KIF24: variants seen among roughly 807,000 people sequenced by gnomAD.
KIF24 encodes the protein kinesin family member 24, also known as kinesin-like protein KIF24.
In KIF24, 81 loss-of-function variants were observed where a neutral mutation model predicts 118.9. The ratio of observed to expected loss-of-function variants is 0.68; its 90% CI spans 0.57 to 0.82. The LOEUF is 0.82. Ranked by LOEUF, KIF24 falls within the 40% of genes least tolerant of loss-of-function variation. The pLI is 0.00. For synonymous variants in KIF24, 599 were observed against 610.0 expected (o/e 0.98, Z 0.27); for missense variants, 1,560 against 1,661.6 (o/e 0.94, Z 1.06).
chr9:34,297,760 TA>T lies in KIF24; in HGVS notation c.814-647del, dbSNP rs11381710. ...CTGAGTGACAGAGCGAGATTCCATT[TA>T]AAAAAAAAAAAAAAGAATTTTGGAG... On this transcript the variant is annotated intron_variant, in intron 3 of 12. Coordinates refer to ENST00000402558, the MANE Select transcript of KIF24 (RefSeq NM_194313.4). Among the ~76,000 whole-genome samples the T allele has an allele frequency of 2.6e-3, 372 of 142,230 alleles. 1 individual carries two copies. Among genetic ancestry groups the T allele is most frequent in the Middle Eastern group, 3.7e-3 (1 of 268 alleles). The allele number at this position is 142,230 out of a possible 152,430, so 93.3% of individuals were successfully genotyped here. A position where few individuals can be genotyped will look rare whatever the true frequency, so the allele number is the denominator to read the frequency against.
At chr9:34,309,518 G>C (rs1243404797) in intron 2 of KIF24, among the ~76,000 whole-genome samples, 3 of 147,078 alleles carry the variant, frequency 2.0e-5, no homozygotes, top group African/African-American at 5.0e-5. Flanking sequence ...TCCAGCCTGG[G>C]CGACAGTGCG....
rs1834682037 is a variant in KIF24, at chr9:34,253,338, C to T, written c.*1042G>A. The T allele has an allele frequency of 6.6e-6, 1 of 152,228 alleles. No homozygotes were observed. The highest frequency in any genetic ancestry group is 1.5e-5 in the Non-Finnish European group (1 of 68,062). The allele number at this position is 152,228 out of a possible 1,614,324, so 9.4% of individuals were successfully genotyped here. A position where few individuals can be genotyped will look rare whatever the true frequency, so the allele number is the denominator to read the frequency against. The stretch of plus-strand genomic sequence containing the variant: ...CAGAGTGGCTTTAAAGTAATTGGCA[C>T]CTGGAGGCTACTTTGTCTTCCCTGT... On this transcript the variant is annotated 3_prime_UTR_variant, in exon 13 of 13. Coordinates refer to ENST00000402558, the MANE Select transcript of KIF24 (RefSeq NM_194313.4).
At chr9:34,286,781 C>T in intron 5 of KIF24, 77 bp from the exon 6 acceptor site, 1 of 958,714 alleles carries the variant, frequency 1.0e-6, no homozygotes, top group Non-Finnish European at 1.7e-6. Context: ...GAAACCATTC[C>T]ACCATTCCTC....
upstream of KIF24, chr9:34,329,574 C>A (rs1444326465): frequency 6.6e-6 from 1 of 152,308 alleles, no homozygotes; most frequent in Non-Finnish European, 1.5e-5. Context: ...CGTCCAAGGT[C>A]CGCCTCCTAC....
intron 1 of KIF24, among the ~76,000 whole-genome samples, chr9:34,320,975 G>A (rs1222951190): frequency 6.6e-6 from 1 of 152,028 alleles, no homozygotes; most frequent in African/African-American, 2.4e-5. Context: ...TTGTAGTTAC[G>A]TATTTTATTG....
chr9:34,297,552 G>A (rs1836532648), intron 3 of KIF24, among the ~76,000 whole-genome samples: 1 of 152,138 alleles, frequency 6.6e-6, no homozygotes, highest in Non-Finnish European at 1.5e-5. Flanking sequence ...CACAAGGTCA[G>A]GAGATCGAGA....
intron 1 of KIF24, among the ~76,000 whole-genome samples, chr9:34,327,838 TAA>T (rs371382729): frequency 2.9e-4 from 36 of 122,956 alleles, no homozygotes; most frequent in Admixed American, 2.2e-3. Context: ...TTTTCTCTAA[TAA>T]AAAAAAAATA....
chr9:34,254,094 GGTTAGTTAATCA>G lies in KIF24; in HGVS notation c.*274_*285del. ...CCCAAATATATTCCCACAGGCAAGG[GGTTAGTTAATCA>G]TATTCTCTAGGCACAAGGGAAAGGC... is the stretch of plus-strand genomic sequence containing the variant. On this transcript the variant is annotated 3_prime_UTR_variant, in exon 13 of 13. Coordinates refer to ENST00000402558, the MANE Select transcript of KIF24 (RefSeq NM_194313.4). The G allele has an allele frequency of 3.3e-6, 1 of 306,544 alleles. No homozygotes were observed. The highest frequency in any genetic ancestry group is 6.0e-6 in the Non-Finnish European group (1 of 167,932). 19.0% of individuals were successfully genotyped at this position (306,544 alleles called of 1,614,324 possible). A position where few individuals can be genotyped will look rare whatever the true frequency, so the allele number is the denominator to read the frequency against.
At chr9:34,264,287 G>A (rs982202305) in intron 8 of KIF24, among the ~76,000 whole-genome samples, 6 of 151,426 alleles carry the variant, frequency 4.0e-5, no homozygotes, top group African/African-American at 1.2e-4. Flanking sequence ...AAAATTAGCC[G>A]GGCATGGTGG....
intron 1 of KIF24, among the ~76,000 whole-genome samples, chr9:34,320,260 G>A (rs1455354206): frequency 6.8e-6 from 1 of 148,002 alleles, no homozygotes; most frequent in Non-Finnish European, 1.5e-5. Flanking sequence ...AGGGAAGGGG[G>A]AACATAAGCC....
chr9:34,310,631 A>G (rs1337896388), intron 2 of KIF24, 93 bp downstream of exon 2: 30 of 785,848 alleles, frequency 3.8e-5, no homozygotes, highest in Non-Finnish European at 6.1e-5. Context: ...TACTATAAAT[A>G]AGGAGTAGAT....
upstream of KIF24, among the ~76,000 whole-genome samples, chr9:34,331,592 C>T (rs191991196): frequency 6.0e-4 from 91 of 152,222 alleles, no homozygotes; most frequent in African/African-American, 2.1e-3. Flanking sequence ...ATGTGAGCTG[C>T]AGAGGTACCT....
In KIF24 at chr9:34,318,855, A is replaced by G. The variant is rs1837419635; in HGVS notation, c.-25-7484T>C. The G allele has an allele frequency of 6.2e-7, 1 of 1,602,462 alleles. No homozygotes were observed. The highest frequency in any genetic ancestry group is 1.3e-5 in the African/African-American group (1 of 74,792). ...GCTGATGACTTCGTGCGCAGCAGCA[A>G]GCAGCACTACAACTGCGAGCACTCC... On this transcript the variant is annotated intron_variant, in intron 1 of 12. Coordinates refer to ENST00000402558, the MANE Select transcript of KIF24 (RefSeq NM_194313.4). This position sits in a 1 kb window ranked among gnomAD's most constrained non-coding sequence, Gnocchi z 4.9.
chr9:34,314,913 G>T (rs945689458), intron 1 of KIF24, among the ~76,000 whole-genome samples: 3 of 152,152 alleles, frequency 2.0e-5, no homozygotes, highest in African/African-American at 7.2e-5. Flanking sequence ...GCAAGGTACA[G>T]AACAGTTTGT....
chr9:34,307,413 A>C (rs1238193157), intron 2 of KIF24, among the ~76,000 whole-genome samples: 2 of 152,042 alleles, frequency 1.3e-5, no homozygotes, highest in Admixed American at 6.5e-5. Context: ...AAAAAAAAAA[A>C]ACCAGCAAAT....
intron 1 of KIF24, among the ~76,000 whole-genome samples, chr9:34,327,151 T>C (rs1166573341): frequency 6.6e-6 from 1 of 152,160 alleles, no homozygotes; most frequent in Non-Finnish European, 1.5e-5. Flanking sequence ...TTGGGAGGTA[T>C]ACAATGACCA....
intron 7 of KIF24, among the ~76,000 whole-genome samples, chr9:34,269,921 T>A (rs1239294208): frequency 6.6e-6 from 1 of 151,742 alleles, no homozygotes; most frequent in Non-Finnish European, 1.5e-5. Context: ...AGACCCCATC[T>A]CTTAAAAAAT....
chr9:34,277,409 TA>T (rs1041177491), intron 6 of KIF24, among the ~76,000 whole-genome samples: 6 of 152,224 alleles, frequency 3.9e-5, no homozygotes, highest in Non-Finnish European at 7.3e-5. Flanking sequence ...ATGATGTTAC[TA>T]ATGATGCTAG....
At chr9:34,280,438 T>A (rs1045295504) in intron 6 of KIF24, among the ~76,000 whole-genome samples, 1 of 151,972 alleles carries the variant, frequency 6.6e-6, no homozygotes, top group Non-Finnish European at 1.5e-5. Flanking sequence ...CTTTAATTGG[T>A]CTAATCTTCA....
Sources: allele counts gnomAD v4.1 joint callset (sites outside exome capture counted in the v4.1 genomes callset), GRCh38; gene constraint gnomAD v4.1.1; non-coding constraint Gnocchi (gnomAD v3.1); transcripts MANE v1.5; gene names NCBI Gene and HGNC (gene_info 2026-07-23, HGNC 2026-07-21).